ARPC1A: variants seen among roughly 807,000 people sequenced by gnomAD.
The protein encoded by ARPC1A is actin-related protein 2/3 complex subunit 1A.
Under a neutral mutation model 46.9 loss-of-function variants are expected in ARPC1A, and 8 were observed. The ratio of observed to expected loss-of-function variants is 0.17; its 90% CI spans 0.10 to 0.31. The LOEUF (loss-of-function observed/expected upper bound fraction) is 0.31. Ranked by LOEUF, ARPC1A falls within the 10% of genes least tolerant of loss-of-function variation. The probability of loss-of-function intolerance (pLI) is 1.00; values close to 1 mark genes in which losing one functional copy is unlikely to be tolerated. For synonymous variants in ARPC1A, 152 were observed against 169.0 expected (o/e 0.90, Z 0.78); for missense variants, 286 against 483.6 (o/e 0.59, Z 3.83).
chr7:99,359,598 C>G lies in ARPC1A; in HGVS notation c.843C>G (p.Thr281=), dbSNP rs780382694. The change falls in exon 8 of 10, where the codon ACC becomes ACG. Residue 281 remains threonine, a synonymous_variant. Coordinates refer to ENST00000262942, the MANE Select transcript of ARPC1A (RefSeq NM_006409.4). ...LFNYDDRGCL[T]FVSKLDIPKQ... The stretch of plus-strand genomic sequence containing the variant: ...ACTACGATGACCGCGGCTGCCTGAC[C>G]TTCGTCTCCAAGTTAGATATTCCAA... The G allele has an allele frequency of 1.9e-6, 3 of 1,614,156 alleles. 1 individual carries two copies. Among genetic ancestry groups the G allele is most frequent in the Admixed American group, 1.7e-5 (1 of 60,004 alleles).
rs1469642317 is a variant in ARPC1A at position 99,349,039 on chromosome 7, GT to G, written c.500+86del. 5 of 1,401,546 alleles carry G rather than the reference GT, an allele frequency of 3.6e-6. No homozygotes were observed. In the South Asian group the frequency reaches 6.1e-5, roughly 17 times the overall value. 86.8% of individuals were successfully genotyped at this position (1,401,546 alleles called of 1,614,324 possible). On this transcript the variant is annotated intron_variant, in intron 5 of 9. Coordinates refer to ENST00000262942, the MANE Select transcript of ARPC1A (RefSeq NM_006409.4). ...AAATAATTTTAGGTTCTCTTTCTTT[GT>G]TTTTTGTTTTGTTGTGGTTGTTGTT... is the stretch of plus-strand genomic sequence containing the variant.
intron 3 of ARPC1A, among the ~76,000 whole-genome samples, chr7:99,343,195 T>C (rs935183444): frequency 2.3e-4 from 35 of 152,110 alleles, no homozygotes; most frequent in African/African-American, 8.2e-4. Flanking sequence ...GGCCAGGCAC[T>C]GTGGCTCATG....
intron 1 of ARPC1A, among the ~76,000 whole-genome samples, chr7:99,327,623 A>AT (rs1793068636): frequency 6.6e-6 from 1 of 152,012 alleles, no homozygotes; most frequent in Non-Finnish European, 1.5e-5. Flanking sequence ...CACCCAGCTT[A>AT]TATGGCTATT....
At chr7:99,328,095 G>C (rs1400261655) in intron 1 of ARPC1A, among the ~76,000 whole-genome samples, 5 of 152,226 alleles carry the variant, frequency 3.3e-5, no homozygotes, top group Non-Finnish European at 7.3e-5. Flanking sequence ...AGTTGGCCAG[G>C]TGCAGTGGCT....
chr7:99,347,272 T>C (rs193231570), intron 4 of ARPC1A, among the ~76,000 whole-genome samples: 54 of 152,264 alleles, frequency 3.5e-4, no homozygotes, highest in Admixed American at 2.8e-3. Flanking sequence ...TTCTCACTTT[T>C]CTTGCCCAGG....
At chr7:99,340,097 C>G (rs1469878051) in intron 3 of ARPC1A, 1 of 434,832 alleles carries the variant, frequency 2.3e-6, no homozygotes, top group Non-Finnish European at 4.8e-6. Context: ...TGTGACTGTC[C>G]TGTTCATAAA....
chr7:99,338,816 G>A lies in ARPC1A; in HGVS notation c.169+531G>A, dbSNP rs1465014171. 2.0e-5 allele frequency among the ~76,000 whole-genome samples: 3 copies of A among 152,186 alleles called. 1 individual carries two copies. The highest frequency in any genetic ancestry group is 4.1e-4 in the South Asian group (2 of 4,828). ...CAGCACTCTACCGTTGCTATGGAAA[G>A]CACTGAACCTACCCTGAGGACTAAA... On this transcript the variant is annotated intron_variant, in intron 3 of 9. Transcript: ENST00000262942.
intron 5 of ARPC1A, among the ~76,000 whole-genome samples, chr7:99,353,113 T>G (rs866284953): frequency 1.8e-3 from 242 of 136,706 alleles, no homozygotes; most frequent in African/African-American, 2.2e-3. Context: ...TTTAGTTTAG[T>G]TTATGTTATG....
intron 7 of ARPC1A, 30 bp downstream of exon 7, chr7:99,358,445 G>A (rs1309897362): frequency 1.3e-6 from 2 of 1,596,404 alleles, no homozygotes; most frequent in Non-Finnish European, 1.7e-6. Context: ...CTCCCTCGGG[G>A]TGCACTGTAT....
intron 3 of ARPC1A, among the ~76,000 whole-genome samples, chr7:99,340,875 C>CA (rs550768708): frequency 1.5e-4 from 23 of 152,286 alleles, no homozygotes; most frequent in African/African-American, 5.3e-4. Context: ...AGTATATTTC[C>CA]AAAGCAGCAC....
intron 1 of ARPC1A, 108 bp from the exon 2 acceptor site, chr7:99,333,217 C>G: frequency 1.4e-6 from 1 of 736,814 alleles, no homozygotes; most frequent in Non-Finnish European, 2.3e-6. Context: ...AATGGGAGGA[C>G]AATGTTTTAT....
intron 6 of ARPC1A, among the ~76,000 whole-genome samples, chr7:99,357,643 A>G (rs1360223313): frequency 6.6e-6 from 1 of 152,052 alleles, no homozygotes; most frequent in African/African-American, 2.4e-5. Context: ...TCAGCTTTTG[A>G]ATGCATCGTT....
chr7:99,347,913 T>C (rs1174419414), intron 4 of ARPC1A, among the ~76,000 whole-genome samples: 1 of 151,948 alleles, frequency 6.6e-6, no homozygotes, highest in Non-Finnish European at 1.5e-5. Context: ...ATATTTAGTC[T>C]CCCAACTGTT....
At chr7:99,351,093 G>A (rs113517490) in intron 5 of ARPC1A, among the ~76,000 whole-genome samples, 86 of 152,176 alleles carry the variant, frequency 5.7e-4, no homozygotes, top group African/African-American at 2.0e-3. Flanking sequence ...GAGTGTCAAG[G>A]CACTTTATAT....
chr7:99,352,298 T>C (rs1196594599), intron 5 of ARPC1A, among the ~76,000 whole-genome samples: 2 of 152,120 alleles, frequency 1.3e-5, no homozygotes, highest in African/African-American at 2.4e-5. Context: ...ACAGGTCTTT[T>C]GTGATCACTA....
intron 7 of ARPC1A, among the ~76,000 whole-genome samples, chr7:99,359,265 G>A (rs1024439534): frequency 3.3e-5 from 5 of 151,910 alleles, no homozygotes; most frequent in East Asian, 2.0e-4. Context: ...GTGAAACCCC[G>A]TCTCTACTAA....
At chr7:99,330,355 C>T (rs1793126040) in intron 1 of ARPC1A, among the ~76,000 whole-genome samples, 1 of 151,850 alleles carries the variant, frequency 6.6e-6, no homozygotes, top group South Asian at 2.1e-4. Context: ...CACTCTGTCA[C>T]CTAGGCTGCA....
rs139994303 is a variant in ARPC1A at position 99,357,743 on chromosome 7, T to C, written c.714-597T>C. Among the ~76,000 whole-genome samples the C allele has an allele frequency of 1.4e-3, 215 of 152,226 alleles. 1 individual carries two copies. Among genetic ancestry groups the C allele is most frequent in the African/African-American group, 4.9e-3 (203 of 41,534 alleles). On this transcript the variant is annotated intron_variant, in intron 6 of 9. Transcript: ENST00000262942. ...TCTCTTTGCCACATTCAAGAGCAAA[T>C]AACTACATGCACACACATGTCCCTG...
chr7:99,353,634 C>T (rs151246275), intron 5 of ARPC1A, among the ~76,000 whole-genome samples: 11 of 151,872 alleles, frequency 7.2e-5, no homozygotes, highest in Non-Finnish European at 1.2e-4. Flanking sequence ...TGCGCCCCCA[C>T]GCTTGGCTAA....
Sources: gnomAD v4.1 joint callset for allele counts (sites outside exome capture counted in the v4.1 genomes callset) on GRCh38, gnomAD v4.1.1 for gene constraint, MANE v1.5 for transcripts, NCBI Gene and HGNC (gene_info 2026-07-23, HGNC 2026-07-21) for gene names.